The following KIAA1549L variants were observed in gnomAD, a reference collection of about 807,000 sequenced individuals.
KIAA1549L encodes the protein UPF0606 protein KIAA1549L.
KIAA1549L carries 88 observed loss-of-function variants against 160.7 expected under a neutral mutation model. The observed-to-expected ratio is 0.55, with a 90% CI of 0.46 to 0.65. The LOEUF (loss-of-function observed/expected upper bound fraction) is 0.65. Ranked by LOEUF, KIAA1549L falls within the 30% of genes least tolerant of loss-of-function variation. KIAA1549L has a pLI of 0.00. For missense variants in KIAA1549L, 2,258 were observed against 2,437.5 expected (o/e 0.93, Z 1.55); for synonymous variants, 950 against 976.7 (o/e 0.97, Z 0.51).
intron 10 of KIAA1549L, among the ~76,000 whole-genome samples, chr11:33,576,676 G>A (rs1484787760): frequency 2.6e-5 from 4 of 152,210 alleles, no homozygotes; most frequent in Non-Finnish European, 4.4e-5. Context: ...CAGAGTCAAC[G>A]GCGCAAGATA....
intron 17 of KIAA1549L, 103 bp downstream of exon 17, chr11:33,646,139 G>T: frequency 1.2e-6 from 1 of 856,996 alleles, no homozygotes; most frequent in Non-Finnish European, 1.8e-6. Context: ...AAAGCTTTGG[G>T]ATCTGGAGAT....
At chr11:33,574,960 G>A (rs958408953) in intron 10 of KIAA1549L, 87 bp downstream of exon 10, 34 of 1,135,550 alleles carry the variant, frequency 3.0e-5, no homozygotes, top group Non-Finnish European at 4.2e-5. Context: ...TCATGTTAAT[G>A]GTCTCAGAGC....
At position 33,450,008 on chromosome 11, in the gene KIAA1549L, C is replaced by T. The variant is rs144670770; in HGVS notation, c.238+73119C>T. ...TTTGTCTTAAGTAAATAGCTATTTG[C>T]AGAGCTGCTTCAGTGGCTTTTTGGT... On this transcript the variant is annotated intron_variant, in intron 1 of 20. Coordinates refer to ENST00000658780, the MANE Select transcript of KIAA1549L (RefSeq NM_012194.3). Among the ~76,000 whole-genome samples, 131 of 152,266 alleles carry T rather than the reference C, an allele frequency of 8.6e-4. 1 individual carries two copies. The highest frequency in any genetic ancestry group is 3.1e-3 in the African/African-American group (128 of 41,546).
In KIAA1549L at chr11:33,542,876, C is replaced by G; in HGVS notation, c.1313C>G (p.Ser438Cys). 6.2e-7 allele frequency: 1 copy of G among 1,614,022 alleles called. No homozygotes were observed. The highest frequency in any genetic ancestry group is 8.5e-7 in the Non-Finnish European group (1 of 1,179,888). Residue 438 changes from serine (S) to cysteine (C), a missense_variant, in exon 2 of 21, where the codon TCT becomes TGT. Around this residue, in one of 6 missense-constraint regions of KIAA1549L, gnomAD observed 540 missense variants for 465.7 expected, o/e 1.16. Coordinates refer to ENST00000658780, the MANE Select transcript of KIAA1549L (RefSeq NM_012194.3). The stretch of plus-strand genomic sequence containing the variant: ...GAAATGACCAGCAGAAAGCTAGCCT[C>G]TGCCACTGCAAATGACTCTGCTAAC... ...AIEMTSRKLA[S>C]ATANDSANPL...
chr11:33,609,665 A>T, intron 14 of KIAA1549L, 84 bp from the exon 15 acceptor site: 1 of 1,110,144 alleles, frequency 9.0e-7, no homozygotes, highest in Non-Finnish European at 1.3e-6. Flanking sequence ...TGGCTTTTTT[A>T]GAAGTGATAA....
intron 1 of KIAA1549L, among the ~76,000 whole-genome samples, chr11:33,380,818 T>C (rs552110900): frequency 6.6e-6 from 1 of 152,224 alleles, no homozygotes; most frequent in East Asian, 1.9e-4. Context: ...TGTGGGGAGA[T>C]AGTTTTGACC....
At chr11:33,539,528 T>C (rs1853967077) in intron 1 of KIAA1549L, among the ~76,000 whole-genome samples, 1 of 152,230 alleles carries the variant, frequency 6.6e-6, no homozygotes, top group African/African-American at 2.4e-5. Flanking sequence ...GCAGAGTCCA[T>C]AGGGGATGCA....
chr11:33,666,543 A>T (rs1852461037), intron 20 of KIAA1549L, among the ~76,000 whole-genome samples: 1 of 152,056 alleles, frequency 6.6e-6, no homozygotes, highest in East Asian at 1.9e-4. Context: ...CTTATTCTAT[A>T]GTGTTCCAAT....
intron 1 of KIAA1549L, among the ~76,000 whole-genome samples, chr11:33,443,826 C>T (rs1005414089): frequency 1.3e-5 from 2 of 152,122 alleles, no homozygotes; most frequent in African/African-American, 4.8e-5. Flanking sequence ...AATTACATCT[C>T]TAATCTTGAT....
At chr11:33,603,669 T>C (rs1232502785) in intron 13 of KIAA1549L, among the ~76,000 whole-genome samples, 1 of 151,824 alleles carries the variant, frequency 6.6e-6, no homozygotes, top group African/African-American at 2.4e-5. Flanking sequence ...TAGCTGGGCG[T>C]GGTGGCGGGG....
chr11:33,488,202 A>G (rs1192981962), intron 1 of KIAA1549L, among the ~76,000 whole-genome samples: 1 of 152,216 alleles, frequency 6.6e-6, no homozygotes, highest in East Asian at 1.9e-4. Flanking sequence ...TAATGCTCAA[A>G]CTCAAAGGCA....
chr11:33,566,101 C>A (rs1260464648), intron 8 of KIAA1549L, among the ~76,000 whole-genome samples: 1 of 152,164 alleles, frequency 6.6e-6, no homozygotes, highest in Non-Finnish European at 1.5e-5. Flanking sequence ...CCAGTGGGAT[C>A]AGGTATATCC....
intron 20 of KIAA1549L, 58 bp downstream of exon 20, chr11:33,661,072 T>A: frequency 6.7e-7 from 1 of 1,485,344 alleles, no homozygotes; most frequent in Non-Finnish European, 9.1e-7. Context: ...TGCCAAAAAG[T>A]AAATTAGATA....
At chr11:33,667,321 C>T (rs1382137424) in intron 20 of KIAA1549L, among the ~76,000 whole-genome samples, 5 of 152,058 alleles carry the variant, frequency 3.3e-5, no homozygotes, top group Non-Finnish European at 5.9e-5. Flanking sequence ...ATATATATTC[C>T]TAAGGTTTTT....
chr11:33,634,273 C>T (rs1026231985), intron 16 of KIAA1549L, among the ~76,000 whole-genome samples: 1 of 138,434 alleles, frequency 7.2e-6, no homozygotes, highest in Non-Finnish European at 1.6e-5. Flanking sequence ...GAACTCCTGA[C>T]CTCAAGTGAT....
intron 1 of KIAA1549L, among the ~76,000 whole-genome samples, chr11:33,452,500 C>T (rs1038075961): frequency 6.6e-6 from 1 of 152,038 alleles, no homozygotes; most frequent in Non-Finnish European, 1.5e-5. Context: ...CCCAGCTACT[C>T]GGGAGGCTGA....
At chr11:33,635,134 G>A (rs774555497) in intron 16 of KIAA1549L, among the ~76,000 whole-genome samples, 25 of 152,212 alleles carry the variant, frequency 1.6e-4, no homozygotes, top group Non-Finnish European at 2.9e-4. Flanking sequence ...TTCCCACCTG[G>A]TGAAGTGAGA....
At chr11:33,435,784 A>G (rs7937788) in intron 1 of KIAA1549L, among the ~76,000 whole-genome samples, 7,257 of 20,628 alleles carry the variant, frequency 0.35, 1,084 homozygotes, top group Middle Eastern at 0.45. Flanking sequence ...ATATATATAT[A>G]TATATATATA....
chr11:33,410,830 T>C (rs1850771219), intron 1 of KIAA1549L, among the ~76,000 whole-genome samples: 1 of 152,232 alleles, frequency 6.6e-6, no homozygotes, highest in Admixed American at 6.5e-5. Context: ...TTGCAAGATG[T>C]GTTTGGGGAA....
Sources: allele counts gnomAD v4.1 joint callset (sites outside exome capture counted in the v4.1 genomes callset), GRCh38; gene constraint gnomAD v4.1.1; regional missense constraint gnomAD v4.1.1; transcripts MANE v1.5; gene names NCBI Gene and HGNC (gene_info 2026-07-23, HGNC 2026-07-21).